TTLL13: variants seen among roughly 807,000 people sequenced by gnomAD.
TTLL13 encodes tubulin tyrosine ligase like 13, also known as tubulin polyglutamylase TTLL13.
chr15:90,259,799 G>T, the TTLL13 span, among the ~76,000 whole-genome samples: 1 of 152,230 alleles, frequency 6.6e-6, no homozygotes, highest in Non-Finnish European at 1.5e-5. Context: ...TTACATCCGT[G>T]TTGGTCACCC....
chr15:90,256,553 CTT>C, the TTLL13 span, among the ~76,000 whole-genome samples: 2 of 77,232 alleles, frequency 2.6e-5, no homozygotes, highest in South Asian at 3.1e-4. Flanking sequence ...CTTTTTCTTT[CTT>C]TCTTTCTTTC....
At chr15:90,252,605 G>A in the TTLL13 span, among the ~76,000 whole-genome samples, 1 of 152,166 alleles carries the variant, frequency 6.6e-6, no homozygotes, top group Non-Finnish European at 1.5e-5. Flanking sequence ...TATTCCCTCT[G>A]GCATCTTTAT....
At chr15:90,259,943 C>T in the TTLL13 span, among the ~76,000 whole-genome samples, 4 of 152,280 alleles carry the variant, frequency 2.6e-5, no homozygotes, top group African/African-American at 7.2e-5. Flanking sequence ...ATTGCTCTTC[C>T]CACTTACATT....
At chr15:90,252,572 C>T in the TTLL13 span, among the ~76,000 whole-genome samples, 1 of 152,178 alleles carries the variant, frequency 6.6e-6, no homozygotes, top group Non-Finnish European at 1.5e-5. Context: ...AAAAAACAAT[C>T]TCCAGCTAGG....
chr15:90,255,637 A>G, the TTLL13 span: 1 of 1,444,700 alleles, frequency 6.9e-7, no homozygotes, highest in Non-Finnish European at 9.6e-7. Context: ...TGCAGTGCTT[A>G]CCTCCACTGT....
chr15:90,262,577 G>A, the TTLL13 span: 2 of 1,534,920 alleles, frequency 1.3e-6, no homozygotes, highest in South Asian at 1.2e-5. Context: ...CCAGAACCAG[G>A]GTGAATCAGC....
chr15:90,258,987 C>T, the TTLL13 span: 2 of 1,611,864 alleles, frequency 1.2e-6, no homozygotes, highest in Non-Finnish European at 1.7e-6. Context: ...AAAAGTCCTC[C>T]TTTAGATGAA....
the TTLL13 span, chr15:90,257,148 T>A: frequency 9.9e-6 from 16 of 1,613,320 alleles, no homozygotes; most frequent in Non-Finnish European, 1.3e-5. Context: ...CCCCTCCTCA[T>A]TGATGGCTTC....
At chr15:90,263,182 A>G in the TTLL13 span, 1 of 1,483,898 alleles carries the variant, frequency 6.7e-7, no homozygotes, top group East Asian at 2.5e-5. Flanking sequence ...AGGAAAAGGG[A>G]ACAAGGGCTG....
At chr15:90,263,096 G>A in the TTLL13 span, 73 of 1,535,978 alleles carry the variant, frequency 4.8e-5, no homozygotes, top group Non-Finnish European at 5.8e-5. Context: ...CAGCTCACCC[G>A]TCTGCAGCAC....
the TTLL13 span, among the ~76,000 whole-genome samples, chr15:90,251,840 A>AG: frequency 6.6e-6 from 1 of 150,694 alleles, no homozygotes; most frequent in Admixed American, 6.6e-5. Context: ...AAAAAAAAAA[A>AG]GTCCAAGAGC....
the TTLL13 span, chr15:90,253,445 C>A: frequency 1.0e-6 from 1 of 998,320 alleles, no homozygotes; most frequent in Non-Finnish European, 1.5e-6. Context: ...CCCAGGCACC[C>A]AAGACTGCTA....
chr15:90,258,946 A>G, the TTLL13 span: 1 of 1,614,082 alleles, frequency 6.2e-7, no homozygotes, highest in Non-Finnish European at 8.5e-7. Context: ...GGTGTCTGGC[A>G]TGTGTTTAGT....
chr15:90,252,849 A>G, the TTLL13 span, among the ~76,000 whole-genome samples: 1 of 152,098 alleles, frequency 6.6e-6, no homozygotes, highest in African/African-American at 2.4e-5. Flanking sequence ...CTAAAAATAC[A>G]AAAATTACCC....
the TTLL13 span, chr15:90,262,658 TG>T: frequency 6.7e-7 from 1 of 1,490,916 alleles, no homozygotes; most frequent in Non-Finnish European, 8.9e-7. Context: ...GAACCGCAAC[TG>T]GGAGAAAGAG....
the TTLL13 span, chr15:90,265,330 G>A: frequency 3.3e-6 from 4 of 1,219,890 alleles, no homozygotes; most frequent in Non-Finnish European, 4.1e-6. Flanking sequence ...GAGTGCCCAA[G>A]GCACTGGGCT....
chr15:90,256,593 CTTT>C, the TTLL13 span, among the ~76,000 whole-genome samples: 14 of 39,072 alleles, frequency 3.6e-4, no homozygotes, highest in Admixed American at 2.4e-3. Context: ...TTCTTTCTTT[CTTT>C]CTTTCTTTCT....
the TTLL13 span, among the ~76,000 whole-genome samples, chr15:90,256,625 CCTTCCTTCCTTCCTTCTTT>C: frequency 2.8e-3 from 264 of 95,164 alleles, no homozygotes; most frequent in African/African-American, 0.011. Flanking sequence ...TTCCTTCCTT[CCTTCCTTCCTTCCTTCTTT>C]CTTTCTCCCT....
chr15:90,262,331 C>G, the TTLL13 span: 1 of 1,155,896 alleles, frequency 8.7e-7, no homozygotes, highest in Non-Finnish European at 1.2e-6. Flanking sequence ...CTTAGTGACT[C>G]TTTTCAGTTT....
Sources: allele counts gnomAD v4.1 joint callset (sites outside exome capture counted in the v4.1 genomes callset), GRCh38; gene constraint gnomAD v4.1.1; transcripts MANE v1.5; gene names NCBI Gene and HGNC (gene_info 2026-07-23, HGNC 2026-07-21).